The following PRLR variants were observed in gnomAD, a reference collection of about 807,000 sequenced individuals.
PRLR encodes prolactin receptor.
PRLR carries 13 observed loss-of-function variants against 40.2 expected under a neutral mutation model. The ratio of observed to expected loss-of-function variants is 0.32; its 90% confidence interval spans 0.21 to 0.51. The LOEUF (loss-of-function observed/expected upper bound fraction) is 0.51. PRLR is among the 20% of genes least tolerant of loss of function. The pLI, the probability that PRLR is intolerant of heterozygous loss-of-function variation, is 0.97. For missense variants in PRLR, 656 were observed against 747.3 expected (o/e 0.88, Z 1.42); for synonymous variants, 269 against 278.7 (o/e 0.97, Z 0.35).
intron 1 of PRLR, among the ~76,000 whole-genome samples, chr5:35,201,223 C>T (rs897087094): frequency 2.6e-5 from 4 of 152,106 alleles, no homozygotes; most frequent in Non-Finnish European, 4.4e-5. Context: ...TAACTCCTCC[C>T]CCTCCCCCTT....
At chr5:35,178,515 G>A (rs1456061592) in intron 1 of PRLR, among the ~76,000 whole-genome samples, 4 of 152,188 alleles carry the variant, frequency 2.6e-5, no homozygotes, top group Non-Finnish European at 5.9e-5. Context: ...ATAGGGAAGA[G>A]ATGGTTGGGT....
At chr5:35,133,786 C>G (rs1241359099) in intron 1 of PRLR, among the ~76,000 whole-genome samples, 3 of 152,150 alleles carry the variant, frequency 2.0e-5, no homozygotes, top group African/African-American at 4.8e-5. Flanking sequence ...AAAAATACAT[C>G]TGTTGGGAGC....
chr5:35,074,971 T>C (rs1769981860), intron 5 of PRLR, among the ~76,000 whole-genome samples: 2 of 152,132 alleles, frequency 1.3e-5, no homozygotes, highest in Admixed American at 1.3e-4. Flanking sequence ...AATCAATCTC[T>C]GTACCAGATG....
intron 1 of PRLR, among the ~76,000 whole-genome samples, chr5:35,177,229 G>A (rs1217454131): frequency 6.6e-6 from 1 of 151,990 alleles, no homozygotes; most frequent in East Asian, 1.9e-4. Flanking sequence ...TATGCTGAAC[G>A]CTGGTTCCCC....
At chr5:35,171,044 T>G (rs1004790146) in intron 1 of PRLR, among the ~76,000 whole-genome samples, 1 of 145,858 alleles carries the variant, frequency 6.9e-6, no homozygotes, top group African/African-American at 2.7e-5. Flanking sequence ...TTGCTGTTTT[T>G]CCCTGTTTTT....
At chr5:35,092,304 C>A (rs1051605913) in intron 2 of PRLR, among the ~76,000 whole-genome samples, 1 of 152,168 alleles carries the variant, frequency 6.6e-6, no homozygotes, top group Admixed American at 6.5e-5. Flanking sequence ...AGTGGTGTCA[C>A]GGTTGTGTTT....
chr5:35,101,767 T>G (rs1326728027), intron 2 of PRLR, among the ~76,000 whole-genome samples: 1 of 148,202 alleles, frequency 6.7e-6, no homozygotes, highest in East Asian at 1.9e-4. Flanking sequence ...ATATAAAACA[T>G]AAATATACCT....
intron 1 of PRLR, among the ~76,000 whole-genome samples, chr5:35,217,734 A>C (rs1336126922): frequency 2.6e-5 from 4 of 152,236 alleles, no homozygotes; most frequent in Non-Finnish European, 4.4e-5. Flanking sequence ...AAAAATAAAT[A>C]AAAATTTAAA....
At chr5:35,155,239 G>GT (rs2111880565) in intron 1 of PRLR, among the ~76,000 whole-genome samples, 1 of 152,152 alleles carries the variant, frequency 6.6e-6, no homozygotes, top group South Asian at 2.1e-4. Flanking sequence ...GGGAATGCTT[G>GT]TTTTTTGAAC....
chr5:35,088,203 C>T (rs1770981785), intron 3 of PRLR, among the ~76,000 whole-genome samples: 1 of 152,210 alleles, frequency 6.6e-6, no homozygotes, highest in Non-Finnish European at 1.5e-5. Context: ...ACCTACCCTC[C>T]TGCTCACAGG....
intron 5 of PRLR, among the ~76,000 whole-genome samples, chr5:35,074,978 G>T (rs1053537881): frequency 2.6e-5 from 4 of 152,154 alleles, no homozygotes; most frequent in Non-Finnish European, 4.4e-5. Flanking sequence ...CTCTGTACCA[G>T]ATGGGGAAAG....
chr5:35,222,258 G>A (rs1468951032), intron 1 of PRLR, among the ~76,000 whole-genome samples: 3 of 151,924 alleles, frequency 2.0e-5, no homozygotes, highest in South Asian at 2.1e-4. Flanking sequence ...AGCCGAGATC[G>A]CGCCACTGCA....
intron 1 of PRLR, among the ~76,000 whole-genome samples, chr5:35,198,975 C>A (rs897190859): frequency 2.0e-5 from 3 of 152,238 alleles, no homozygotes; most frequent in Non-Finnish European, 4.4e-5. Flanking sequence ...TGATTAACAA[C>A]AGCCAAGTTC....
chr5:35,119,359 G>T (rs931316631), intron 1 of PRLR, among the ~76,000 whole-genome samples: 2 of 151,016 alleles, frequency 1.3e-5, no homozygotes, highest in Non-Finnish European at 2.9e-5. Context: ...GCACCCTCAT[G>T]CCATTGACAA....
rs115143829 is a variant in PRLR at position 35,122,794 on chromosome 5, A to G, written c.-105-4672T>C. Among the ~76,000 whole-genome samples the G allele has an allele frequency of 3.5e-3, 531 of 152,336 alleles. 3 individuals are homozygous for G. The highest frequency in any genetic ancestry group is 0.011 in the African/African-American group (456 of 41,572). ...TTGGGGCAGGCTGAACTTGAGCAGA[A>G]GCAAGCACATCCACTTGAGTCAAAG... On this transcript the variant is annotated intron_variant, in intron 1 of 9. Transcript: ENST00000618457.
At chr5:35,156,127 T>TAAAAAAAAA (rs765998296) in intron 1 of PRLR, among the ~76,000 whole-genome samples, 13 of 103,792 alleles carry the variant, frequency 1.3e-4, no homozygotes, top group African/African-American at 4.8e-4. Context: ...TTGCTCAAGA[T>TAAAAAAAAA]AAAAAAAAAA....
chr5:35,074,054 G>T (rs1472133527), intron 5 of PRLR, among the ~76,000 whole-genome samples: 3 of 152,096 alleles, frequency 2.0e-5, no homozygotes, highest in African/African-American at 4.8e-5. Flanking sequence ...AGATTCAAAA[G>T]AATTGAAAAC....
At chr5:35,105,884 A>T (rs1772210156) in intron 2 of PRLR, among the ~76,000 whole-genome samples, 1 of 152,210 alleles carries the variant, frequency 6.6e-6, no homozygotes, top group African/African-American at 2.4e-5. Context: ...AACGCCACAA[A>T]GATACTCCTC....
intron 1 of PRLR, among the ~76,000 whole-genome samples, chr5:35,131,388 G>A (rs981389673): frequency 7.2e-5 from 11 of 152,142 alleles, no homozygotes; most frequent in African/African-American, 2.7e-4. Context: ...GGGTTTTACT[G>A]GGGGTTTACA....
Sources: allele counts gnomAD v4.1 joint callset (sites outside exome capture counted in the v4.1 genomes callset), GRCh38; gene constraint gnomAD v4.1.1; transcripts MANE v1.5; gene names NCBI Gene and HGNC (gene_info 2026-07-23, HGNC 2026-07-21).